The following SLIT2 variants were observed in gnomAD, a reference collection of about 807,000 sequenced individuals.
The protein encoded by SLIT2 is slit guidance ligand 2.
Under a neutral mutation model 185.7 loss-of-function variants are expected in SLIT2, and 41 were observed. The observed-to-expected ratio is 0.22, with a 90% CI of 0.17 to 0.29. SLIT2 has a LOEUF of 0.29. SLIT2 is among the 10% of genes least tolerant of loss of function. The pLI is 1.00. For missense variants in SLIT2, 1,571 were observed against 1,909.0 expected, an observed-to-expected ratio of 0.82 and a Z score of 3.30; for synonymous variants, 693 against 680.2, an observed-to-expected ratio of 1.02 and a Z score of -0.29.
intron 26 of SLIT2, among the ~76,000 whole-genome samples, chr4:20,562,744 C>T (rs1299819696): frequency 4.6e-5 from 7 of 151,690 alleles, no homozygotes; most frequent in Non-Finnish European, 7.4e-5. Context: ...GCAAGTGGAG[C>T]GTAAAAGCAT....
chr4:20,601,747 G>A (rs1308573558), intron 33 of SLIT2, among the ~76,000 whole-genome samples: 1 of 152,148 alleles, frequency 6.6e-6, no homozygotes, highest in East Asian at 1.9e-4. Flanking sequence ...CAATAACAGT[G>A]TTGCAATCAG....
chr4:20,259,884 G>A (rs1284577843), intron 3 of SLIT2, among the ~76,000 whole-genome samples: 2 of 151,748 alleles, frequency 1.3e-5, no homozygotes, highest in African/African-American at 4.8e-5. Context: ...AGGAAAAGCT[G>A]AGAAAATTCC....
At chr4:20,309,201 T>C (rs1717850084) in intron 4 of SLIT2, among the ~76,000 whole-genome samples, 1 of 152,136 alleles carries the variant, frequency 6.6e-6, no homozygotes, top group Admixed American at 6.5e-5. Context: ...ATTAAAAGAG[T>C]AATATTCTTA....
chr4:20,594,243 A>G (rs1577990545), intron 30 of SLIT2, among the ~76,000 whole-genome samples: 2 of 148,020 alleles, frequency 1.4e-5, no homozygotes, highest in South Asian at 2.1e-4. Context: ...ATGTGTATAT[A>G]CATATACATA....
chr4:20,579,065 G>A (rs1726308013), intron 29 of SLIT2, among the ~76,000 whole-genome samples: 1 of 152,062 alleles, frequency 6.6e-6, no homozygotes, highest in Non-Finnish European at 1.5e-5. Context: ...GGAGGCCGAG[G>A]CAGGTGGATC....
At chr4:20,341,812 T>A (rs1450001738) in intron 4 of SLIT2, among the ~76,000 whole-genome samples, 1 of 152,216 alleles carries the variant, frequency 6.6e-6, no homozygotes, top group Non-Finnish European at 1.5e-5. Context: ...CTTCTTTAGG[T>A]ATGAAGTAGA....
intron 12 of SLIT2, among the ~76,000 whole-genome samples, chr4:20,522,908 G>A (rs190780876): frequency 2.8e-4 from 43 of 152,184 alleles, no homozygotes; most frequent in African/African-American, 1.0e-3. Flanking sequence ...TAGGGAGGCA[G>A]GCATATAGAT....
chr4:20,569,211 C>T lies in SLIT2; in HGVS notation c.3088+207C>T, dbSNP rs571326190. The T allele has an allele frequency of 1.0e-4, 56 of 547,242 alleles. 1 individual carries two copies. Among genetic ancestry groups the T allele is most frequent in the Admixed American group, 3.7e-4 (12 of 32,140 alleles). 33.9% of individuals were successfully genotyped at this position (547,242 alleles called of 1,614,324 possible). On this transcript the variant is annotated intron_variant, in intron 29 of 36. Transcript: ENST00000504154. ...ACCCAGGAATCTCTGTTCAAACATA[C>T]GCATCTATTATAAAGCCATGCTATC...
intron 4 of SLIT2, among the ~76,000 whole-genome samples, chr4:20,291,073 T>C (rs926085504): frequency 1.3e-5 from 2 of 152,060 alleles, no homozygotes; most frequent in Non-Finnish European, 2.9e-5. Context: ...GGCTCTCCAC[T>C]GAACTTAAAA....
chr4:20,256,790 T>C, intron 2 of SLIT2, 47 bp downstream of exon 2: 3 of 907,588 alleles, frequency 3.3e-6, no homozygotes, highest in Non-Finnish European at 5.2e-6. Context: ...AGGTTGCATA[T>C]TTTGAATCAT....
At chr4:20,472,576 ATATC>A (rs1715588212) in intron 5 of SLIT2, among the ~76,000 whole-genome samples, 1 of 31,008 alleles carries the variant, frequency 3.2e-5, no homozygotes, top group Admixed American at 6.0e-4. Flanking sequence ...ATATATAGAT[ATATC>A]TATATATAGA....
chr4:20,599,824 AC>A (rs1198056533), intron 33 of SLIT2, among the ~76,000 whole-genome samples: 2 of 152,210 alleles, frequency 1.3e-5, no homozygotes, highest in Non-Finnish European at 2.9e-5. Flanking sequence ...TAAAGTGGAG[AC>A]ACTGGCCTGC....
Position 20,260,619 on chromosome 4 carries a change from A to T in SLIT2, c.323+2680A>T, listed in dbSNP as rs192023583. Among the ~76,000 whole-genome samples, 47 of 150,794 alleles carry T rather than the reference A, an allele frequency of 3.1e-4. 1 individual carries two copies. In the South Asian group the frequency reaches 3.8e-3, roughly 12 times the overall value. On this transcript the variant is annotated intron_variant, in intron 3 of 36. Coordinates refer to ENST00000504154, the MANE Select transcript of SLIT2 (RefSeq NM_004787.4). ...TTTATGTTGATGGACTTTTAACTTG[A>T]TCTATAGAAAAATCTGAAAACAGAA...
At position 20,475,486 on chromosome 4, in the gene SLIT2, A is replaced by T. The variant is rs145796548; in HGVS notation, c.468-5230A>T. 1.7e-3 allele frequency among the ~76,000 whole-genome samples: 265 copies of T among 152,120 alleles called. 1 individual carries two copies. The highest frequency in any genetic ancestry group is 6.2e-3 in the African/African-American group (256 of 41,512). ...AGTTCCTGAGTCTTTTTCCTGAGTC[A>T]CTATGTATTGAGAGGGAGTTATGGC... On this transcript the variant is annotated intron_variant, in intron 5 of 36. Transcript: ENST00000504154.
At chr4:20,535,462 C>G (rs1722184880) in intron 18 of SLIT2, among the ~76,000 whole-genome samples, 1 of 151,992 alleles carries the variant, frequency 6.6e-6, no homozygotes, top group African/African-American at 2.4e-5. Context: ...AAAAGGCTTT[C>G]TTGATACTGG....
intron 29 of SLIT2, among the ~76,000 whole-genome samples, chr4:20,586,698 C>G (rs569779595): frequency 7.2e-5 from 11 of 152,122 alleles, no homozygotes; most frequent in African/African-American, 2.7e-4. Flanking sequence ...ATGTATATGT[C>G]ATAAGATAGG....
chr4:20,353,534 A>C lies in SLIT2; in HGVS notation c.395+84653A>C, dbSNP rs531742369. On this transcript the variant is annotated intron_variant, in intron 4 of 36. Coordinates refer to ENST00000504154, the MANE Select transcript of SLIT2 (RefSeq NM_004787.4). ...AATGAAGAATATTTATTTAAAAAAA[A>C]CAAAAAGCGGTTATTTTATGTAGAA... Among the ~76,000 whole-genome samples the C allele has an allele frequency of 5.1e-4, 78 of 152,252 alleles. No homozygotes were observed. The South Asian group carries it at 0.015, about 29-fold the overall frequency.
intron 6 of SLIT2, among the ~76,000 whole-genome samples, chr4:20,482,155 C>G (rs981470415): frequency 1.1e-4 from 16 of 151,932 alleles, no homozygotes; most frequent in Admixed American, 9.8e-4. Flanking sequence ...CACTAAAATT[C>G]ATAGATGAGG....
At chr4:20,380,906 C>T (rs1367567958) in intron 4 of SLIT2, among the ~76,000 whole-genome samples, 2 of 152,020 alleles carry the variant, frequency 1.3e-5, no homozygotes, top group Non-Finnish European at 2.9e-5. Flanking sequence ...CTAATAAACT[C>T]AATGAACAAG....
Sources: allele counts gnomAD v4.1 joint callset (sites outside exome capture counted in the v4.1 genomes callset), GRCh38; gene constraint gnomAD v4.1.1; transcripts MANE v1.5; gene names NCBI Gene and HGNC (gene_info 2026-07-23, HGNC 2026-07-21).